Variants in ZBTB20 observed in about 807,000 individuals in gnomAD.
ZBTB20 encodes zinc finger and BTB domain-containing protein 20.
In ZBTB20, 9 loss-of-function variants were observed where a neutral mutation model predicts 56.9. That is an observed-to-expected ratio of 0.16 (90% CI 0.10 to 0.28). The LOEUF (loss-of-function observed/expected upper bound fraction) is 0.28, where lower values mean the gene tolerates loss of function less well. Ranked by LOEUF, ZBTB20 falls within the 10% of genes least tolerant of loss-of-function variation. The pLI is 1.00. For missense variants in ZBTB20, 655 were observed against 1,003.0 expected, an observed-to-expected ratio of 0.65 and a Z score of 4.69; for synonymous variants, 417 against 420.7, an observed-to-expected ratio of 0.99 and a Z score of 0.11.
At chr3:114,391,839 A>G (rs1174569313) in intron 7 of ZBTB20, among the ~76,000 whole-genome samples, 1 of 152,230 alleles carries the variant, frequency 6.6e-6, no homozygotes, top group Non-Finnish European at 1.5e-5. Flanking sequence ...TGGCTGGGCA[A>G]GGATAACAGA....
chr3:114,888,037 T>C (rs184564490), intron 4 of ZBTB20, among the ~76,000 whole-genome samples: 1 of 151,920 alleles, frequency 6.6e-6, no homozygotes, highest in East Asian at 1.9e-4. Context: ...ATGCAACATC[T>C]TCTGATCCAA....
At chr3:115,102,688 G>A (rs1258735714) in intron 1 of ZBTB20, 2 of 152,062 alleles carry the variant, frequency 1.3e-5, no homozygotes, top group African/African-American at 4.8e-5. Context: ...TGAAAAATGA[G>A]ACCGGGCACA....
In ZBTB20 at chr3:114,574,119, ACTAT is replaced by A. The variant is rs2053744678; in HGVS notation, c.-294-73732_-294-73729del. ...AATATTGTTTAAAATAACTTTAAGAACTATCTAATTTGCATATATGATATGTGGT... is the reference window on the plus strand; with the variant it reads ...AATATTGTTTAAAATAACTTTAAGAACTAATTTGCATATATGATATGTGGT... On this transcript the variant is annotated intron_variant, in intron 6 of 11. Coordinates refer to ENST00000675478, the MANE Select transcript of ZBTB20 (RefSeq NM_001348800.3). Among the ~76,000 whole-genome samples the A allele has an allele frequency of 2.6e-5, 4 of 152,312 alleles. No homozygotes were observed. The South Asian group carries it at 8.3e-4, about 32-fold the overall frequency.
chr3:114,545,020 A>G (rs985756427), intron 6 of ZBTB20, among the ~76,000 whole-genome samples: 1 of 152,196 alleles, frequency 6.6e-6, no homozygotes, highest in Non-Finnish European at 1.5e-5. Flanking sequence ...TGGCTCATGA[A>G]GTTGACATAT....
At chr3:114,955,109 A>C (rs918022103) in intron 3 of ZBTB20, among the ~76,000 whole-genome samples, 2 of 152,192 alleles carry the variant, frequency 1.3e-5, no homozygotes, top group Admixed American at 6.6e-5. Flanking sequence ...TGAAAGTTGG[A>C]GATCAAGCTT....
At position 114,351,007 on chromosome 3, in the gene ZBTB20, C is replaced by T. The variant is rs777297826; in HGVS notation, c.1071G>A (p.Thr357=). The change falls in exon 11 of 12, where the codon ACG becomes ACA. Residue 357 remains threonine, a synonymous_variant. Coordinates refer to ENST00000675478, the MANE Select transcript of ZBTB20 (RefSeq NM_001348800.3). ...ILERNESEEC[T]EDTDQAEGTE... Reference sequence around the variant, plus strand: ...TGCCCTCGGCCTGGTCTGTGTCTTCCGTGCACTCCTCGGATTCGTTGCGTT... The same window carrying T: ...TGCCCTCGGCCTGGTCTGTGTCTTCTGTGCACTCCTCGGATTCGTTGCGTT... The T allele has an allele frequency of 2.5e-6, 4 of 1,610,886 alleles. No individual in the cohort carries two copies. Among genetic ancestry groups the T allele is most frequent in the South Asian group, 2.2e-5 (2 of 91,030 alleles).
intron 1 of ZBTB20, among the ~76,000 whole-genome samples, chr3:115,090,064 A>G (rs897492866): frequency 1.3e-5 from 2 of 151,854 alleles, no homozygotes; most frequent in African/African-American, 4.8e-5. Context: ...TTTGCAAAAT[A>G]TGGAAGCCCA....
intron 3 of ZBTB20, among the ~76,000 whole-genome samples, chr3:114,946,282 A>C (rs915839140): frequency 1.2e-4 from 18 of 145,818 alleles, no homozygotes; most frequent in Middle Eastern, 6.8e-3. Flanking sequence ...AGCCTCAATA[A>C]ATTTTCAAAG....
intron 7 of ZBTB20, among the ~76,000 whole-genome samples, chr3:114,391,416 C>T (rs1264197258): frequency 6.6e-6 from 1 of 152,196 alleles, no homozygotes; most frequent in Non-Finnish European, 1.5e-5. Flanking sequence ...CTTTCAATGT[C>T]TACATGTAGC....
At chr3:115,131,582 A>G (rs187941189) in intron 1 of ZBTB20, among the ~76,000 whole-genome samples, 240 of 152,334 alleles carry the variant, frequency 1.6e-3, no homozygotes, top group Middle Eastern at 3.4e-3. Flanking sequence ...ACCAAAAAAT[A>G]CACATGTTCT....
At chr3:114,531,549 GA>G (rs1156473014) in intron 6 of ZBTB20, among the ~76,000 whole-genome samples, 1 of 152,232 alleles carries the variant, frequency 6.6e-6, no homozygotes, top group African/African-American at 2.4e-5. Context: ...GCTGTCCTGA[GA>G]GGGAGCTTTC....
chr3:114,884,577 C>A (rs2076535275), intron 4 of ZBTB20, among the ~76,000 whole-genome samples: 1 of 152,146 alleles, frequency 6.6e-6, no homozygotes, highest in Admixed American at 6.5e-5. Flanking sequence ...TGATTTACTA[C>A]CATACATCTT....
chr3:114,710,837 C>T (rs2064027291), intron 5 of ZBTB20, among the ~76,000 whole-genome samples: 1 of 152,128 alleles, frequency 6.6e-6, no homozygotes, highest in Admixed American at 6.5e-5. Context: ...TCCTCTATAG[C>T]TTTCTGTCAG....
At chr3:114,679,215 A>G (rs1313777480) in intron 6 of ZBTB20, among the ~76,000 whole-genome samples, 1 of 152,242 alleles carries the variant, frequency 6.6e-6, no homozygotes, top group Non-Finnish European at 1.5e-5. Context: ...TTCAGGACAC[A>G]GGCATGGGCA....
chr3:114,426,790 C>T (rs2089713356), intron 7 of ZBTB20, among the ~76,000 whole-genome samples: 1 of 152,132 alleles, frequency 6.6e-6, no homozygotes, highest in Admixed American at 6.5e-5. Flanking sequence ...CCACTCCACC[C>T]ACCTTTCCAC....
At chr3:114,658,840 C>G (rs953971469) in intron 6 of ZBTB20, 5 of 152,212 alleles carry the variant, frequency 3.3e-5, no homozygotes, top group Non-Finnish European at 7.3e-5. Flanking sequence ...ACCATCTACC[C>G]TTCCACCAGA....
At chr3:114,345,252 GTA>G (rs750201096) in intron 11 of ZBTB20, among the ~76,000 whole-genome samples, 1 of 152,276 alleles carries the variant, frequency 6.6e-6, no homozygotes, top group Non-Finnish European at 1.5e-5. Context: ...TGATATACAT[GTA>G]TATATACGTG....
At chr3:114,394,799 A>T (rs1339820931) in intron 7 of ZBTB20, among the ~76,000 whole-genome samples, 3 of 152,188 alleles carry the variant, frequency 2.0e-5, no homozygotes, top group Non-Finnish European at 4.4e-5. Flanking sequence ...CTGGCTTCTG[A>T]TTCTAGGCCA....
At chr3:115,137,683 A>C (rs534040857) in intron 1 of ZBTB20, among the ~76,000 whole-genome samples, 1 of 152,212 alleles carries the variant, frequency 6.6e-6, no homozygotes, top group South Asian at 2.1e-4. Context: ...ATTCCATAAT[A>C]AATAAAACAA....
Sources: gnomAD v4.1 joint callset for allele counts (sites outside exome capture counted in the v4.1 genomes callset) on GRCh38, gnomAD v4.1.1 for gene constraint, MANE v1.5 for transcripts, NCBI Gene and HGNC (gene_info 2026-07-23, HGNC 2026-07-21) for gene names.